Variants in NAALADL2 observed in about 807,000 individuals in gnomAD.
NAALADL2 encodes the protein inactive N-acetylated-alpha-linked acidic dipeptidase-like protein 2.
NAALADL2 carries 76 observed loss-of-function variants against 87.2 expected under a neutral mutation model. The observed-to-expected ratio is 0.87, with a 90% CI of 0.72 to 1.05. The LOEUF is 1.05. Ranked by LOEUF, NAALADL2 falls within the 50% of genes least tolerant of loss-of-function variation. The pLI, the probability that NAALADL2 is intolerant of heterozygous loss-of-function variation, is 0.00. For missense variants in NAALADL2, 1,089 were observed against 945.8 expected (o/e 1.15, Z -1.99); for synonymous variants, 354 against 331.0 (o/e 1.07, Z -0.75).
chr3:175,382,840 T>A (rs1241503069), intron 5 of NAALADL2, among the ~76,000 whole-genome samples: 4 of 152,004 alleles, frequency 2.6e-5, no homozygotes, highest in Non-Finnish European at 5.9e-5. Flanking sequence ...AGATATACTT[T>A]TTTAAAAAAA....
chr3:174,663,016 A>G (rs1725647598), intron 2 of NAALADL2, among the ~76,000 whole-genome samples: 1 of 152,188 alleles, frequency 6.6e-6, no homozygotes, highest in Admixed American at 6.5e-5. Context: ...TATTTTTTGT[A>G]GGATATTTTA....
intron 2 of NAALADL2, among the ~76,000 whole-genome samples, chr3:175,221,070 G>C (rs541323276): frequency 6.6e-6 from 1 of 151,884 alleles, no homozygotes; most frequent in South Asian, 2.1e-4. Context: ...ATGATGGCGA[G>C]TGCCTGTAAT....
At chr3:175,716,153 A>G (rs974011653) in intron 11 of NAALADL2, among the ~76,000 whole-genome samples, 4 of 143,038 alleles carry the variant, frequency 2.8e-5, no homozygotes, top group Non-Finnish European at 6.0e-5. Context: ...CATGTTATAT[A>G]TAATATATAA....
intron 2 of NAALADL2, among the ~76,000 whole-genome samples, chr3:174,669,804 A>G (rs548580167): frequency 3.5e-4 from 54 of 152,146 alleles, no homozygotes; most frequent in African/African-American, 1.3e-3. Flanking sequence ...TACATAGTTA[A>G]TTGAATCTGT....
At chr3:174,468,384 CTTTTTTT>C (rs67829845) in intron 1 of NAALADL2, among the ~76,000 whole-genome samples, 7 of 132,724 alleles carry the variant, frequency 5.3e-5, no homozygotes, top group African/African-American at 1.7e-4. Flanking sequence ...CTTTCTTTTT[CTTTTTTT>C]TTTTTTTTTG....
chr3:175,457,282 C>T (rs1475258062), intron 6 of NAALADL2, among the ~76,000 whole-genome samples: 1 of 152,098 alleles, frequency 6.6e-6, no homozygotes, highest in Non-Finnish European at 1.5e-5. Flanking sequence ...GTCCTTCTCA[C>T]TCTGCTTCAG....
At chr3:174,878,460 T>G (rs767095123) in intron 1 of NAALADL2, among the ~76,000 whole-genome samples, 2 of 152,102 alleles carry the variant, frequency 1.3e-5, no homozygotes, top group Non-Finnish European at 2.9e-5. Context: ...CTATGAAGAA[T>G]CCAAACCATT....
intron 1 of NAALADL2, among the ~76,000 whole-genome samples, chr3:174,914,560 A>T (rs1028615947): frequency 1.3e-5 from 2 of 152,168 alleles, no homozygotes; most frequent in African/African-American, 4.8e-5. Context: ...TGCTATTGTC[A>T]TGGTAAGAAT....
intron 2 of NAALADL2, among the ~76,000 whole-genome samples, chr3:174,689,107 A>T (rs1728316631): frequency 6.6e-6 from 1 of 152,176 alleles, no homozygotes; most frequent in African/African-American, 2.4e-5. Context: ...TTGTGTGATT[A>T]TTGACATGAA....
intron 1 of NAALADL2, among the ~76,000 whole-genome samples, chr3:175,018,833 A>G (rs1051296350): frequency 2.6e-5 from 4 of 152,040 alleles, no homozygotes; most frequent in African/African-American, 4.8e-5. Context: ...GGTGTTTTCT[A>G]TCTATTGGTA....
intron 9 of NAALADL2, among the ~76,000 whole-genome samples, chr3:175,528,035 A>G (rs1296591304): frequency 6.6e-6 from 1 of 152,124 alleles, no homozygotes; most frequent in South Asian, 2.1e-4. Flanking sequence ...TTGAAAAAGT[A>G]TACTCATATT....
intron 2 of NAALADL2, among the ~76,000 whole-genome samples, chr3:174,625,701 T>C (rs903548886): frequency 1.1e-4 from 16 of 152,054 alleles, no homozygotes; most frequent in Non-Finnish European, 2.2e-4. Flanking sequence ...TAATTGACAT[T>C]AAATCTATAT....
chr3:174,983,611 T>C (rs1308632448), intron 1 of NAALADL2, among the ~76,000 whole-genome samples: 1 of 152,110 alleles, frequency 6.6e-6, no homozygotes, highest in Non-Finnish European at 1.5e-5. Flanking sequence ...TGTCCTCACA[T>C]GGTGGAAGGG....
intron 11 of NAALADL2, among the ~76,000 whole-genome samples, chr3:175,698,898 C>T (rs970144323): frequency 6.6e-6 from 1 of 151,732 alleles, no homozygotes; most frequent in East Asian, 1.9e-4. Context: ...AATCCAAATG[C>T]TAAGAAGAGT....
At chr3:175,638,361 A>G (rs773797837) in intron 11 of NAALADL2, among the ~76,000 whole-genome samples, 21 of 152,282 alleles carry the variant, frequency 1.4e-4, no homozygotes, top group Non-Finnish European at 2.6e-4. Context: ...TCAAAGATAG[A>G]AGACTCAGAT....
intron 11 of NAALADL2, among the ~76,000 whole-genome samples, chr3:175,674,188 A>G (rs1366855762): frequency 6.6e-6 from 1 of 151,864 alleles, no homozygotes; most frequent in East Asian, 1.9e-4. Context: ...TGTTATTTGT[A>G]TTATCAAAGA....
At chr3:174,939,641 C>A (rs1004791874) in intron 1 of NAALADL2, among the ~76,000 whole-genome samples, 3 of 151,910 alleles carry the variant, frequency 2.0e-5, no homozygotes, top group African/African-American at 7.2e-5. Context: ...TATACGTGAG[C>A]ATGGGATTTA....
At chr3:175,254,532 T>C (rs1258655185) in intron 3 of NAALADL2, among the ~76,000 whole-genome samples, 1 of 152,170 alleles carries the variant, frequency 6.6e-6, no homozygotes, top group African/African-American at 2.4e-5. Flanking sequence ...ATCTGATCTA[T>C]ATCCTCCAAA....
intron 1 of NAALADL2, among the ~76,000 whole-genome samples, chr3:174,510,431 G>A (rs1719524131): frequency 6.6e-6 from 1 of 151,916 alleles, no homozygotes; most frequent in African/African-American, 2.4e-5. Flanking sequence ...CTTTGAGAAT[G>A]GTTATTTGTA....
Sources: allele counts gnomAD v4.1 joint callset (sites outside exome capture counted in the v4.1 genomes callset), GRCh38; gene constraint gnomAD v4.1.1; transcripts MANE v1.5; gene names NCBI Gene and HGNC (gene_info 2026-07-23, HGNC 2026-07-21).